Variants in SF3B3 observed in about 807,000 individuals in gnomAD.
SF3B3 encodes SAP 130.
Under a neutral mutation model 139.2 loss-of-function variants are expected in SF3B3, and 33 were observed. The observed-to-expected ratio is 0.24, with a 90% confidence interval of 0.18 to 0.32. The LOEUF (loss-of-function observed/expected upper bound fraction) is 0.32, where lower values mean the gene tolerates loss of function less well. Ranked by LOEUF, SF3B3 falls within the 10% of genes least tolerant of loss-of-function variation. SF3B3 has a pLI of 1.00. For synonymous variants in SF3B3, 596 were observed against 563.6 expected (o/e 1.06, Z -0.81); for missense variants, 818 against 1,509.4 (o/e 0.54, Z 7.59).
At chr16:70,569,789 T>G in intron 23 of SF3B3, 1 of 518,438 alleles carries the variant, frequency 1.9e-6, no homozygotes, top group Non-Finnish European at 3.5e-6. Context: ...CCACCAAACC[T>G]GGCAGATTTT....
intron 2 of SF3B3, among the ~76,000 whole-genome samples, chr16:70,527,410 G>A (rs940311888): frequency 2.0e-5 from 3 of 152,200 alleles, no homozygotes; most frequent in African/African-American, 7.2e-5. Context: ...AGTAATGCAG[G>A]AGGTTCATGA....
chr16:70,552,065 T>G (rs1247458504), intron 11 of SF3B3, among the ~76,000 whole-genome samples: 1 of 152,194 alleles, frequency 6.6e-6, no homozygotes, highest in East Asian at 1.9e-4. Context: ...GCATTTATTC[T>G]CTTATGTTTG....
chr16:70,543,698 ACT>A (rs2050241347), intron 9 of SF3B3, among the ~76,000 whole-genome samples: 1 of 151,490 alleles, frequency 6.6e-6, no homozygotes, highest in African/African-American at 2.4e-5. Context: ...ACAGAGTGAG[ACT>A]CTGTCTTAAA....
chr16:70,530,625 T>C, intron 3 of SF3B3, 120 bp from the exon 4 acceptor site: 1 of 876,602 alleles, frequency 1.1e-6, no homozygotes, highest in Non-Finnish European at 1.8e-6. Flanking sequence ...GTTTTTATAC[T>C]TGTAGAGTTA....
chr16:70,545,180 C>G (rs999203289), intron 10 of SF3B3, among the ~76,000 whole-genome samples: 1 of 152,180 alleles, frequency 6.6e-6, no homozygotes, highest in Non-Finnish European at 1.5e-5. Context: ...ATCCTCCCAC[C>G]TCAGCCTCCT....
rs1324610647 is a variant in SF3B3 at position 70,571,783 on chromosome 16, C to G, written c.3624C>G (p.Leu1208=). ...CCCCACCCGAAGTGTCCAAGAAACTCGAGGATATCCGGACCCGCTACGCCT... is the reference window on the plus strand; with the variant it reads ...CCCCACCCGAAGTGTCCAAGAAACTGGAGGATATCCGGACCCGCTACGCCT... ...DRTPPEVSKK[L]EDIRTRYAF Residue 1208 remains leucine (L), a synonymous_variant, in exon 26 of 26, where the codon CTC becomes CTG. Coordinates refer to ENST00000302516, the MANE Select transcript of SF3B3 (RefSeq NM_012426.5). 6.2e-7 allele frequency: 1 copy of G among 1,613,872 alleles called. No homozygotes were observed. Among genetic ancestry groups the G allele is most frequent in the African/African-American group, 1.3e-5 (1 of 74,888 alleles).
chr16:70,554,543 G>A lies in SF3B3; in HGVS notation c.1500G>A (p.Leu500=). ...AAGAAGTGACTGACTCTGGGTTCCT[G>A]GGGACCACCCCGACCTTGTCCTGCT... ...TVEEVTDSGF[L]GTTPTLSCSL... Residue 500 remains leucine (L), a synonymous_variant, in exon 12 of 26, where the codon CTG becomes CTA. Coordinates refer to ENST00000302516, the MANE Select transcript of SF3B3 (RefSeq NM_012426.5). The A allele has an allele frequency of 6.2e-7, 1 of 1,614,154 alleles. No individual in the cohort carries two copies. Among genetic ancestry groups the A allele is most frequent in the Non-Finnish European group, 8.5e-7 (1 of 1,179,994 alleles).
intron 15 of SF3B3, among the ~76,000 whole-genome samples, chr16:70,558,207 A>T (rs2050395763): frequency 6.6e-6 from 1 of 152,168 alleles, no homozygotes; most frequent in Non-Finnish European, 1.5e-5. Context: ...TTAGAAATGT[A>T]AGGTGAACTA....
chr16:70,555,249 C>T (rs1326603816), intron 13 of SF3B3, 43 bp downstream of exon 13: 8 of 1,561,770 alleles, frequency 5.1e-6, no homozygotes, highest in Non-Finnish European at 6.2e-6. Flanking sequence ...TTGTAGGGAC[C>T]AGAGGGAAAG....
At chr16:70,543,479 G>A (rs138218166) in intron 9 of SF3B3, among the ~76,000 whole-genome samples, 1,666 of 152,002 alleles carry the variant, frequency 0.011, 15 homozygotes, top group Non-Finnish European at 0.016. Context: ...AGGCCGAGGC[G>A]GGTAGATGAC....
chr16:70,531,902 T>A (rs1488305986), intron 4 of SF3B3, among the ~76,000 whole-genome samples: 8 of 152,258 alleles, frequency 5.3e-5, no homozygotes, highest in Non-Finnish European at 1.5e-5. Context: ...ATAAACTTTG[T>A]CAAACTATTT....
chr16:70,556,087 T>A lies in SF3B3; in HGVS notation c.1711-92T>A, dbSNP rs371746248. The stretch of plus-strand genomic sequence containing the variant: ...GCAGAACAAAATACAACAGCCCTCC[T>A]TCATTCTCTGGATCCAGGGTTTTGG... On this transcript the variant is annotated intron_variant, in intron 13 of 25. Transcript: ENST00000302516. 2.3e-6 allele frequency: 3 copies of A among 1,324,334 alleles called. No individual in the cohort carries two copies. In the South Asian group the frequency reaches 3.9e-5, roughly 17 times the overall value. The allele number at this position is 1,324,334 out of a possible 1,614,324, so 82.0% of individuals were successfully genotyped here.
At chr16:70,543,854 T>G (rs1460444542) in intron 9 of SF3B3, among the ~76,000 whole-genome samples, 1 of 152,042 alleles carries the variant, frequency 6.6e-6, no homozygotes, top group African/African-American at 2.4e-5. Flanking sequence ...TTGTGTTTTT[T>G]TTTTTAATTT....
chr16:70,564,951 C>A, intron 18 of SF3B3, 114 bp from the exon 19 acceptor site: 1 of 907,732 alleles, frequency 1.1e-6, no homozygotes, highest in Non-Finnish European at 1.8e-6. Context: ...GGATGGCTGA[C>A]TTTGCTGCTT....
chr16:70,559,877 C>T (rs1375559625), intron 15 of SF3B3, among the ~76,000 whole-genome samples: 1 of 151,620 alleles, frequency 6.6e-6, no homozygotes, highest in Non-Finnish European at 1.5e-5. Context: ...GCTGTGATTA[C>T]AGATGTGAGC....
At position 70,564,131 on chromosome 16, in the gene SF3B3, G is replaced by A. The variant is rs1391291843; in HGVS notation, c.2463+81G>A. 2.8e-6 allele frequency: 4 copies of A among 1,447,500 alleles called. No individual in the cohort carries two copies. In the African/African-American group the frequency reaches 5.6e-5, roughly 20 times the overall value. The allele number at this position is 1,447,500 out of a possible 1,614,324, so 89.7% of individuals were successfully genotyped here. The stretch of plus-strand genomic sequence containing the variant: ...AAGTTTAAACTGCCCGGCACTTTGG[G>A]AGGCTGAGGTGGGAGGATTGCTTGA... On this transcript the variant is annotated intron_variant, in intron 18 of 25. Transcript: ENST00000302516.
chr16:70,575,750 C>T lies in SF3B3; in HGVS notation c.*3937C>T, dbSNP rs1251717160. ...GCAGCCTGCATCTGATTTCCTCAGCCACAACCTTGGGACTTCAGGAAAAAT... is the reference window on the plus strand; with the variant it reads ...GCAGCCTGCATCTGATTTCCTCAGCTACAACCTTGGGACTTCAGGAAAAAT... On this transcript the variant is annotated 3_prime_UTR_variant, in exon 26 of 26. Transcript: ENST00000302516. 1 of 152,218 alleles carries T rather than the reference C, an allele frequency of 6.6e-6. No individual in the cohort carries two copies. The highest frequency in any genetic ancestry group is 1.5e-5 in the Non-Finnish European group (1 of 68,056). 9.4% of individuals were successfully genotyped at this position (152,218 alleles called of 1,614,324 possible). A position where few individuals can be genotyped will look rare whatever the true frequency, so the allele number is the denominator to read the frequency against.
Position 70,563,999 on chromosome 16 carries a change from C to T in SF3B3, c.2412C>T (p.His804=). Residue 804 remains histidine (H), a synonymous_variant, in exon 18 of 26, where the codon CAC becomes CAT. Transcript: ENST00000302516. ...SNNLIIIETD[H]NAYTEATKAQ... ...ACCTTATTATCATTGAAACGGACCA[C>T]AATGCCTACACTGAGGCCACGAAAG... The T allele has an allele frequency of 6.2e-7, 1 of 1,614,124 alleles. No individual in the cohort carries two copies. The highest frequency in any genetic ancestry group is 8.5e-7 in the Non-Finnish European group (1 of 1,180,016).
intron 20 of SF3B3, 24 bp from the exon 21 acceptor site, chr16:70,567,387 G>A (rs1196393217): frequency 1.9e-6 from 3 of 1,604,436 alleles, no homozygotes; most frequent in East Asian, 2.2e-5. Context: ...TATAATAGCT[G>A]TATTACCTGC....
Sources: allele counts gnomAD v4.1 joint callset (sites outside exome capture counted in the v4.1 genomes callset), GRCh38; gene constraint gnomAD v4.1.1; transcripts MANE v1.5; gene names NCBI Gene and HGNC (gene_info 2026-07-23, HGNC 2026-07-21).